The following GRIK3 variants were observed in gnomAD, a reference collection of about 807,000 sequenced individuals.
The protein encoded by GRIK3 is glutamate ionotropic receptor kainate type subunit 3.
In GRIK3, 29 loss-of-function variants were observed where a neutral mutation model predicts 102.5. The ratio of observed to expected loss-of-function variants is 0.28; its 90% CI spans 0.21 to 0.39. The LOEUF (loss-of-function observed/expected upper bound fraction) is 0.39, where lower values mean the gene tolerates loss of function less well. Among genes scored for constraint, GRIK3 ranks in the 10% least tolerant of loss-of-function variants. The pLI, the probability that GRIK3 is intolerant of heterozygous loss-of-function variation, is 1.00. For synonymous variants in GRIK3, 511 were observed against 504.9 expected (o/e 1.01, Z -0.16); for missense variants, 908 against 1,252.4 (o/e 0.73, Z 4.15).
At position 37,033,963 on chromosome 1, in the gene GRIK3, A is replaced by G. The variant is rs765882001; in HGVS notation, c.115+31T>C. 57 of 1,323,706 alleles carry G rather than the reference A, an allele frequency of 4.3e-5. 1 individual carries two copies. The highest frequency in any genetic ancestry group is 1.1e-5 in the Non-Finnish European group (10 of 942,306). 82.0% of individuals were successfully genotyped at this position (1,323,706 alleles called of 1,614,324 possible). On this transcript the variant is annotated intron_variant, in intron 1 of 15. Transcript: ENST00000373091. Reference sequence around the variant, plus strand: ...CTCATTCCCGCCCCCTCCCGGGCGCACGGAGACCCCCGGCTCCAGGGAGCG... The same window carrying G: ...CTCATTCCCGCCCCCTCCCGGGCGCGCGGAGACCCCCGGCTCCAGGGAGCG...
chr1:36,989,083 C>A (rs893774837), intron 1 of GRIK3, among the ~76,000 whole-genome samples: 3 of 152,138 alleles, frequency 2.0e-5, no homozygotes, highest in Non-Finnish European at 2.9e-5. Context: ...CCTCCCTGCA[C>A]AAACACAGGC....
intron 1 of GRIK3, among the ~76,000 whole-genome samples, chr1:36,941,767 G>A (rs374949181): frequency 6.6e-6 from 1 of 152,188 alleles, no homozygotes; most frequent in Non-Finnish European, 1.5e-5. Context: ...TTTCACAGAT[G>A]GAGAAACTGA....
intron 9 of GRIK3, among the ~76,000 whole-genome samples, chr1:36,844,006 G>C (rs1013233230): frequency 6.6e-6 from 1 of 152,276 alleles, no homozygotes; most frequent in Non-Finnish European, 1.5e-5. Flanking sequence ...CTTTGTCAGA[G>C]GTCCTAGGAG....
intron 9 of GRIK3, among the ~76,000 whole-genome samples, chr1:36,844,466 T>C (rs1640497387): frequency 6.6e-6 from 1 of 152,218 alleles, no homozygotes; most frequent in Non-Finnish European, 1.5e-5. Flanking sequence ...GCATGGGGCC[T>C]GGCGAGCAGG....
intron 14 of GRIK3, among the ~76,000 whole-genome samples, chr1:36,805,876 C>T (rs760464619): frequency 1.0e-4 from 13 of 125,412 alleles, no homozygotes; most frequent in East Asian, 5.3e-4. Flanking sequence ...GTGGAGGTTG[C>T]GGTGAACCGA....
Position 36,805,191 on chromosome 1 carries a change from C to G in GRIK3, c.2361G>C (p.Gln787His), listed in dbSNP as rs776142737. 1 of 1,613,892 alleles carries G rather than the reference C, an allele frequency of 6.2e-7. No homozygotes were observed. The highest frequency in any genetic ancestry group is 1.3e-5 in the African/African-American group (1 of 74,942). Residue 787 changes from glutamine to histidine, a missense_variant, in exon 15 of 16, where the codon CAG becomes CAC. Around this residue, in one of 3 missense-constraint regions of GRIK3, gnomAD observed 297 missense variants for 362.7 expected, o/e 0.82. Transcript: ENST00000373091. ...DKITIAILQL[Q>H]EEDKLHIMKE... ...TCATGATATGCAGCTTGTCCTCCTC[C>G]TGAAGCTGCAGGATGGCGATGGTGA... is the stretch of plus-strand genomic sequence containing the variant.
At chr1:36,911,779 T>C (rs1370061754) in intron 1 of GRIK3, among the ~76,000 whole-genome samples, 3 of 151,966 alleles carry the variant, frequency 2.0e-5, no homozygotes, top group Non-Finnish European at 2.9e-5. Context: ...AGGAGTACAA[T>C]GTGGGCAGAG....
chr1:36,831,229 C>T (rs1467746623), intron 10 of GRIK3, among the ~76,000 whole-genome samples: 1 of 152,184 alleles, frequency 6.6e-6, no homozygotes, highest in Non-Finnish European at 1.5e-5. Flanking sequence ...GTGTTGCATT[C>T]CCAGAGACGT....
At chr1:36,986,009 G>A (rs1246292650) in intron 1 of GRIK3, among the ~76,000 whole-genome samples, 1 of 151,940 alleles carries the variant, frequency 6.6e-6, no homozygotes, top group Non-Finnish European at 1.5e-5. Flanking sequence ...TCCAGGAGAA[G>A]GTAGAGACGA....
intron 1 of GRIK3, among the ~76,000 whole-genome samples, chr1:36,949,607 T>G (rs1641822270): frequency 7.3e-6 from 1 of 137,394 alleles, no homozygotes; most frequent in South Asian, 2.7e-4. Flanking sequence ...TGAGTCTCGC[T>G]CTGTTGCCCC....
At position 36,797,509 on chromosome 1, in the gene GRIK3, G is replaced by A. The variant is rs1642381016; in HGVS notation, c.*4342C>T. ...GCCAGCAGCCGGGCCACTTCCAGATGTGTCCACTTGACCTGCAACTTTCAG... is the reference window on the plus strand; with the variant it reads ...GCCAGCAGCCGGGCCACTTCCAGATATGTCCACTTGACCTGCAACTTTCAG... On this transcript the variant is annotated 3_prime_UTR_variant, in exon 16 of 16. Coordinates refer to ENST00000373091, the MANE Select transcript of GRIK3 (RefSeq NM_000831.4). 6.6e-6 allele frequency: 1 copy of A among 152,168 alleles called. No individual in the cohort carries two copies. The highest frequency in any genetic ancestry group is 2.4e-5 in the African/African-American group (1 of 41,436). The allele number at this position is 152,168 out of a possible 1,614,324, so 9.4% of individuals were successfully genotyped here.
At chr1:36,962,192 A>T (rs1642017723) in intron 1 of GRIK3, among the ~76,000 whole-genome samples, 1 of 152,168 alleles carries the variant, frequency 6.6e-6, no homozygotes, top group Non-Finnish European at 1.5e-5. Flanking sequence ...GCTTCTGAAC[A>T]GGTTCGCATG....
intron 15 of GRIK3, among the ~76,000 whole-genome samples, chr1:36,804,304 C>T (rs1282219517): frequency 6.6e-6 from 1 of 152,210 alleles, no homozygotes; most frequent in Non-Finnish European, 1.5e-5. Context: ...TTAAATCACC[C>T]TGTAGGGTTT....
chr1:36,971,251 T>G (rs1349309713), intron 1 of GRIK3, among the ~76,000 whole-genome samples: 1 of 152,208 alleles, frequency 6.6e-6, no homozygotes, highest in Non-Finnish European at 1.5e-5. Flanking sequence ...GACTCCAGGA[T>G]AGCCACATGA....
intron 2 of GRIK3, among the ~76,000 whole-genome samples, chr1:36,888,577 C>T (rs1449122589): frequency 6.6e-6 from 1 of 152,162 alleles, no homozygotes; most frequent in African/African-American, 2.4e-5. Context: ...GCACCTGTTG[C>T]TTCATCCACT....
At chr1:36,855,507 G>T (rs543232489) in intron 7 of GRIK3, among the ~76,000 whole-genome samples, 1 of 152,212 alleles carries the variant, frequency 6.6e-6, no homozygotes, top group East Asian at 1.9e-4. Context: ...TCAGGCAGTG[G>T]GGCTGTGCTT....
intron 1 of GRIK3, among the ~76,000 whole-genome samples, chr1:36,940,623 G>T (rs749241773): frequency 6.6e-5 from 10 of 152,206 alleles, no homozygotes; most frequent in Admixed American, 2.6e-4. Context: ...AAACCTTGGG[G>T]CCTGCCTCCC....
intron 1 of GRIK3, among the ~76,000 whole-genome samples, chr1:37,028,223 G>A (rs1377446815): frequency 6.6e-6 from 1 of 152,108 alleles, no homozygotes; most frequent in Non-Finnish European, 1.5e-5. Context: ...CAGACACGAG[G>A]CCCTTGGGTT....
chr1:36,834,507 C>G (rs976642740), intron 10 of GRIK3, among the ~76,000 whole-genome samples: 3 of 152,148 alleles, frequency 2.0e-5, no homozygotes, highest in African/African-American at 7.2e-5. Context: ...TCGTAAGTAT[C>G]AACCAGTGGG....
Sources: allele counts gnomAD v4.1 joint callset (sites outside exome capture counted in the v4.1 genomes callset), GRCh38; gene constraint gnomAD v4.1.1; regional missense constraint gnomAD v4.1.1; transcripts MANE v1.5; gene names NCBI Gene and HGNC (gene_info 2026-07-23, HGNC 2026-07-21).